The following ZNF618 variants were observed in gnomAD, a reference collection of about 807,000 sequenced individuals.
ZNF618 encodes the protein neural precursor cell expressed, developmentally down-regulated 10.
In ZNF618, 34 loss-of-function variants were observed where a neutral mutation model predicts 103.0. The observed-to-expected ratio is 0.33, with a 90% confidence interval of 0.25 to 0.44. The LOEUF (loss-of-function observed/expected upper bound fraction) is 0.44. Ranked by LOEUF, ZNF618 falls within the 20% of genes least tolerant of loss-of-function variation. The probability of loss-of-function intolerance (pLI) is 1.00; values close to 1 mark genes in which losing one functional copy is unlikely to be tolerated. For missense variants in ZNF618, 1,059 were observed against 1,295.4 expected (o/e 0.82, Z 2.80); for synonymous variants, 551 against 542.2 (o/e 1.02, Z -0.23).
At chr9:113,924,816 A>G (rs1832941548) in intron 1 of ZNF618, among the ~76,000 whole-genome samples, 1 of 151,836 alleles carries the variant, frequency 6.6e-6, no homozygotes, top group African/African-American at 2.4e-5. Flanking sequence ...TTAGTCTCCA[A>G]ATATTTTGGA....
intron 7 of ZNF618, 52 bp from the exon 8 acceptor site, chr9:114,008,292 G>A: frequency 1.9e-6 from 3 of 1,609,290 alleles, no homozygotes; most frequent in Non-Finnish European, 1.7e-6. Flanking sequence ...GACTAACAGG[G>A]CTCCTGTTTG....
At position 114,054,933 on chromosome 9, in the gene ZNF618, T is replaced by TCCCCCCTC. The variant is rs1846369849; in HGVS notation, c.*4772_*4773insTCCCCCCC. 7.7e-6 allele frequency: 1 copy of TCCCCCCTC among 130,462 alleles called. No homozygotes were observed. Among genetic ancestry groups the TCCCCCCTC allele is most frequent in the Non-Finnish European group, 1.6e-5 (1 of 61,414 alleles). The allele number at this position is 130,462 out of a possible 1,614,324, so 8.1% of individuals were successfully genotyped here. On this transcript the variant is annotated 3_prime_UTR_variant, in exon 15 of 15. Coordinates refer to ENST00000374126, the MANE Select transcript of ZNF618 (RefSeq NM_001318042.2). ...TTTGACATATTCATGCCCCGTCCCT[T>TCCCCCCTC]CCCCCCCCACCCCCCCGCCCACCCA...
At chr9:113,954,082 G>T (rs1836023858) in intron 1 of ZNF618, among the ~76,000 whole-genome samples, 1 of 152,120 alleles carries the variant, frequency 6.6e-6, no homozygotes, top group Non-Finnish European at 1.5e-5. Context: ...AGGTTCTGGG[G>T]GTTGAGTCTA....
intron 12 of ZNF618, among the ~76,000 whole-genome samples, chr9:114,033,088 C>A (rs751290261): frequency 8.5e-5 from 13 of 152,142 alleles, no homozygotes; most frequent in Admixed American, 2.0e-4. Flanking sequence ...AGTTTCTTTA[C>A]AGGAGAAGCA....
intron 1 of ZNF618, among the ~76,000 whole-genome samples, chr9:113,889,402 C>T (rs1316100044): frequency 6.6e-6 from 1 of 151,080 alleles, no homozygotes; most frequent in African/African-American, 2.4e-5. Context: ...TCATATATGG[C>T]TAGACTTCTT....
chr9:114,048,853 C>T lies in ZNF618; in HGVS notation c.1551C>T (p.Asn517=). The T allele has an allele frequency of 3.7e-6, 6 of 1,608,762 alleles. No individual in the cohort carries two copies. The highest frequency in any genetic ancestry group is 5.1e-6 in the Non-Finnish European group (6 of 1,177,452). ...TCTCGGTCACTGAAATCCTGGGCAA[C>T]TTCAACACGCTGGCGCTGAAGCACC... ...GAFSVTEILG[N]FNTLALKHLP... Residue 517 remains asparagine (N), a synonymous_variant, in exon 15 of 15, where the codon AAC becomes AAT. Coordinates refer to ENST00000374126, the MANE Select transcript of ZNF618 (RefSeq NM_001318042.2).
intron 4 of ZNF618, among the ~76,000 whole-genome samples, chr9:114,000,702 C>T (rs1184675710): frequency 1.3e-5 from 2 of 152,140 alleles, no homozygotes; most frequent in South Asian, 2.1e-4. Context: ...TGCTTCCAGG[C>T]AAGACAAAGG....
intron 1 of ZNF618, among the ~76,000 whole-genome samples, chr9:113,962,880 T>C (rs749378085): frequency 7.2e-5 from 11 of 152,206 alleles, no homozygotes; most frequent in Non-Finnish European, 1.5e-4. Context: ...TTACGCCTAA[T>C]GTTAGCGTCT....
chr9:114,025,887 C>T (rs1449859577), intron 10 of ZNF618, among the ~76,000 whole-genome samples: 1 of 152,238 alleles, frequency 6.6e-6, no homozygotes, highest in Non-Finnish European at 1.5e-5. Flanking sequence ...CACAATGTCT[C>T]TTGAGCACTG....
chr9:114,027,694 G>A (rs899332610), intron 10 of ZNF618, among the ~76,000 whole-genome samples: 12 of 152,188 alleles, frequency 7.9e-5, no homozygotes, highest in Non-Finnish European at 1.5e-4. Context: ...TGTCTTAGGA[G>A]CAGGGAGATA....
At chr9:114,004,028 C>A (rs763756753) in intron 6 of ZNF618, among the ~76,000 whole-genome samples, 1 of 152,110 alleles carries the variant, frequency 6.6e-6, no homozygotes, top group Non-Finnish European at 1.5e-5. Flanking sequence ...GTTTGTTACA[C>A]CACACCATCA....
intron 1 of ZNF618, among the ~76,000 whole-genome samples, chr9:113,887,898 CATT>C (rs1409154588): frequency 1.3e-5 from 2 of 152,182 alleles, no homozygotes; most frequent in Non-Finnish European, 2.9e-5. Context: ...ATTTATCTCA[CATT>C]ATTTTTGCAC....
chr9:113,965,170 A>G (rs1389498517), intron 1 of ZNF618, among the ~76,000 whole-genome samples: 1 of 152,132 alleles, frequency 6.6e-6, no homozygotes, highest in Admixed American at 6.6e-5. Flanking sequence ...AAATTAAAAA[A>G]GGGTTTATTT....
chr9:113,917,989 T>A (rs1564168578), intron 1 of ZNF618, among the ~76,000 whole-genome samples: 1 of 152,212 alleles, frequency 6.6e-6, no homozygotes, highest in Non-Finnish European at 1.5e-5. Flanking sequence ...TGGTCTTTTT[T>A]CTGGCCTAGG....
chr9:114,049,333 G>A lies in ZNF618; in HGVS notation c.2031G>A (p.Leu677=), dbSNP rs1337238810. ...VCEDLAGSTG[L]AKETFGSLEE... ...AGGACCTGGCGGGCTCCACGGGCCTGGCCAAGGAGACCTTCGGGTCGCTGG... is the reference window on the plus strand; with the variant it reads ...AGGACCTGGCGGGCTCCACGGGCCTAGCCAAGGAGACCTTCGGGTCGCTGG... The change falls in exon 15 of 15, where the codon CTG becomes CTA. Residue 677 remains leucine (L), a synonymous_variant. Transcript: ENST00000374126. The A allele has an allele frequency of 6.2e-7, 1 of 1,611,552 alleles. No individual in the cohort carries two copies. Among genetic ancestry groups the A allele is most frequent in the Admixed American group, 1.7e-5 (1 of 59,910 alleles).
At chr9:113,976,493 A>T (rs900558760) in intron 2 of ZNF618, among the ~76,000 whole-genome samples, 15 of 152,176 alleles carry the variant, frequency 9.9e-5, no homozygotes, top group Admixed American at 8.5e-4. Context: ...GGCTCTGCTG[A>T]CAAAAGAGAA....
chr9:113,943,472 G>A (rs1834729646), intron 1 of ZNF618, among the ~76,000 whole-genome samples: 1 of 152,192 alleles, frequency 6.6e-6, no homozygotes, highest in African/African-American at 2.4e-5. Flanking sequence ...GCAGGGTGCA[G>A]ACCCACGTGC....
At chr9:113,958,323 G>A (rs980826174) in intron 1 of ZNF618, among the ~76,000 whole-genome samples, 3 of 152,144 alleles carry the variant, frequency 2.0e-5, no homozygotes, top group Admixed American at 6.5e-5. Flanking sequence ...CATGGGGACT[G>A]GTGACATCCC....
intron 2 of ZNF618, among the ~76,000 whole-genome samples, chr9:113,986,681 C>T (rs1416670184): frequency 6.6e-6 from 1 of 152,176 alleles, no homozygotes; most frequent in Non-Finnish European, 1.5e-5. Flanking sequence ...TTCTTCAGAT[C>T]CAGTCACACT....
Sources: allele counts gnomAD v4.1 joint callset (sites outside exome capture counted in the v4.1 genomes callset), GRCh38; gene constraint gnomAD v4.1.1; transcripts MANE v1.5; gene names NCBI Gene and HGNC (gene_info 2026-07-23, HGNC 2026-07-21).